BMP6: variants seen among roughly 807,000 people sequenced by gnomAD.
BMP6 encodes the protein bone morphogenetic protein 6.
In BMP6, 17 loss-of-function variants were observed where a neutral mutation model predicts 54.1. The ratio of observed to expected loss-of-function variants is 0.31; its 90% CI spans 0.22 to 0.47. BMP6 has a LOEUF of 0.47. BMP6 is among the 20% of genes least tolerant of loss of function. The pLI, the probability that BMP6 is intolerant of heterozygous loss-of-function variation, is 1.00. For missense variants in BMP6, 720 were observed against 690.4 expected, an observed-to-expected ratio of 1.04 and a Z score of -0.48; for synonymous variants, 328 against 291.2, an observed-to-expected ratio of 1.13 and a Z score of -1.28.
intron 1 of BMP6, among the ~76,000 whole-genome samples, chr6:7,823,972 G>A (rs554021092): frequency 6.6e-6 from 1 of 152,320 alleles, no homozygotes; most frequent in African/African-American, 2.4e-5. Context: ...ATTTTAAAAG[G>A]ATCCTTCTGG....
intron 1 of BMP6, among the ~76,000 whole-genome samples, chr6:7,824,899 G>A (rs1758668969): frequency 6.6e-6 from 1 of 152,234 alleles, no homozygotes; most frequent in African/African-American, 2.4e-5. Flanking sequence ...AAAGGGAAAA[G>A]GTAGGCGTTT....
chr6:7,813,456 T>TCCA (rs1758470449), intron 1 of BMP6, among the ~76,000 whole-genome samples: 1 of 6,120 alleles, frequency 1.6e-4, no homozygotes, highest in Non-Finnish European at 2.7e-4. Context: ...TCCCTGTCTC[T>TCCA]ACAAAAAAAA....
chr6:7,727,580 C>G lies in BMP6; in HGVS notation c.625C>G (p.Leu209Val). 2 of 1,581,572 alleles carry G rather than the reference C, an allele frequency of 1.3e-6. No homozygotes were observed. The highest frequency in any genetic ancestry group is 1.7e-6 in the Non-Finnish European group (2 of 1,172,878). ...GACCAGCGCGCAGGACAGCGCCTTCCTCAACGACGCGGACATGGTCATGAG... is the reference window on the plus strand; with the variant it reads ...GACCAGCGCGCAGGACAGCGCCTTCGTCAACGACGCGGACATGGTCATGAG... ...PLTSAQDSAF[L>V]NDADMVMSFV... is the part of the protein sequence containing the mutation. The change falls in exon 1 of 7, where the codon CTC (leucine) becomes GTC (valine). Residue 209 changes from leucine to valine, a missense_variant. This residue lies in a region of BMP6 where 650 missense variants were observed against 556.3 expected (regional missense o/e 1.17). Coordinates refer to ENST00000283147, the MANE Select transcript of BMP6 (RefSeq NM_001718.6).
At chr6:7,873,406 G>T (rs1027998244) in intron 4 of BMP6, among the ~76,000 whole-genome samples, 2 of 152,202 alleles carry the variant, frequency 1.3e-5, no homozygotes, top group African/African-American at 4.8e-5. Flanking sequence ...AAGGGGATAG[G>T]CATGGGTGGT....
intron 1 of BMP6, among the ~76,000 whole-genome samples, chr6:7,788,889 A>G (rs1301359640): frequency 7.3e-6 from 1 of 136,872 alleles, no homozygotes; most frequent in Admixed American, 7.2e-5. Context: ...TTTTTTTTTT[A>G]AAGTGTTCTG....
intron 1 of BMP6, among the ~76,000 whole-genome samples, chr6:7,732,800 G>A (rs1259334204): frequency 2.0e-5 from 3 of 152,112 alleles, no homozygotes; most frequent in East Asian, 1.9e-4. Flanking sequence ...AGGGTACAAT[G>A]TCTTGCATCA....
At chr6:7,867,992 A>G (rs13199728) in intron 4 of BMP6, among the ~76,000 whole-genome samples, 7,744 of 152,300 alleles carry the variant, frequency 0.051, 412 homozygotes, top group African/African-American at 0.14. Flanking sequence ...AGTCATTCCC[A>G]ATCATTGCCA....
intron 1 of BMP6, among the ~76,000 whole-genome samples, chr6:7,758,114 G>A (rs192205529): frequency 1.3e-5 from 2 of 152,208 alleles, no homozygotes; most frequent in African/African-American, 2.4e-5. Context: ...AGAGAAGAAT[G>A]CCCCTGCATG....
Position 7,880,631 on chromosome 6 carries a change from C to T in BMP6, c.*288C>T, listed in dbSNP as rs1759703055. The stretch of plus-strand genomic sequence containing the variant: ...GTGAAGCTCTTCCTACCCTCCTCCC[C>T]CAAAAACCCACCAAAATTAGTTTTA... On this transcript the variant is annotated 3_prime_UTR_variant, in exon 7 of 7. Transcript: ENST00000283147. 2 of 431,200 alleles carry T rather than the reference C, an allele frequency of 4.6e-6. No homozygotes were observed. The highest frequency in any genetic ancestry group is 8.4e-6 in the Non-Finnish European group (2 of 238,428). The allele number at this position is 431,200 out of a possible 1,614,324, so 26.7% of individuals were successfully genotyped here. A position where few individuals can be genotyped will look rare whatever the true frequency, so the allele number is the denominator to read the frequency against.
chr6:7,815,043 A>G (rs1233628722), intron 1 of BMP6, among the ~76,000 whole-genome samples: 1 of 152,222 alleles, frequency 6.6e-6, no homozygotes, highest in East Asian at 1.9e-4. Context: ...CTTTCAAAAT[A>G]TTCAAATTGT....
chr6:7,817,880 C>T (rs1758554319), intron 1 of BMP6, among the ~76,000 whole-genome samples: 2 of 152,156 alleles, frequency 1.3e-5, no homozygotes, highest in Non-Finnish European at 2.9e-5. Context: ...TCATCTTGTA[C>T]AAATGCCTCA....
At chr6:7,806,976 T>C (rs915270813) in intron 1 of BMP6, among the ~76,000 whole-genome samples, 2 of 152,230 alleles carry the variant, frequency 1.3e-5, no homozygotes, top group Non-Finnish European at 2.9e-5. Context: ...TCCCTAGTTT[T>C]AATAACCTCC....
At chr6:7,737,399 A>T (rs1288341260) in intron 1 of BMP6, among the ~76,000 whole-genome samples, 1 of 152,138 alleles carries the variant, frequency 6.6e-6, no homozygotes, top group African/African-American at 2.4e-5. Flanking sequence ...GGAGCCAAAG[A>T]TATCTGGAGA....
chr6:7,781,438 C>T (rs1430556975), intron 1 of BMP6, among the ~76,000 whole-genome samples: 5 of 146,714 alleles, frequency 3.4e-5, no homozygotes, highest in Non-Finnish European at 7.8e-5. Context: ...ACAGATTCAG[C>T]CTCAGCAAGC....
At chr6:7,760,348 A>C (rs747749715) in intron 1 of BMP6, among the ~76,000 whole-genome samples, 32 of 152,244 alleles carry the variant, frequency 2.1e-4, no homozygotes, top group Admixed American at 5.2e-4. Context: ...AATTAAAGTA[A>C]TTATTTACTT....
intron 1 of BMP6, among the ~76,000 whole-genome samples, chr6:7,815,031 G>A (rs1758505214): frequency 6.6e-6 from 1 of 152,132 alleles, no homozygotes; most frequent in African/African-American, 2.4e-5. Flanking sequence ...CTATTTAAAT[G>A]TCTTTCAAAA....
intron 1 of BMP6, among the ~76,000 whole-genome samples, chr6:7,756,755 C>G (rs1416088636): frequency 6.6e-6 from 1 of 152,164 alleles, no homozygotes; most frequent in East Asian, 1.9e-4. Flanking sequence ...TCAGACAGGC[C>G]TTTATTTTAG....
At chr6:7,742,357 A>G (rs12214906) in intron 1 of BMP6, among the ~76,000 whole-genome samples, 64 of 152,170 alleles carry the variant, frequency 4.2e-4, no homozygotes, top group African/African-American at 1.5e-3. Flanking sequence ...TCGAGCTTTC[A>G]TGCATGCAAG....
At chr6:7,782,791 T>C (rs1285685641) in intron 1 of BMP6, among the ~76,000 whole-genome samples, 3 of 152,130 alleles carry the variant, frequency 2.0e-5, no homozygotes, top group African/African-American at 7.2e-5. Context: ...CAGGACTGAG[T>C]TTGCAGAAGA....
Sources: gnomAD v4.1 joint callset for allele counts (sites outside exome capture counted in the v4.1 genomes callset) on GRCh38, gnomAD v4.1.1 for gene constraint, gnomAD v4.1.1 regional missense constraint, MANE v1.5 for transcripts, NCBI Gene and HGNC (gene_info 2026-07-23, HGNC 2026-07-21) for gene names.